TFRC: variants seen among roughly 807,000 people sequenced by gnomAD.
The protein encoded by TFRC is transferrin receptor protein 1.
Under a neutral mutation model 85.8 loss-of-function variants are expected in TFRC, and 35 were observed. The observed-to-expected ratio is 0.41, with a 90% confidence interval of 0.31 to 0.54. TFRC has a LOEUF of 0.54. TFRC is among the 20% of genes least tolerant of loss of function. The pLI is 0.31. For synonymous variants in TFRC, 362 were observed against 328.6 expected, an observed-to-expected ratio of 1.10 and a Z score of -1.10; for missense variants, 828 against 921.5, an observed-to-expected ratio of 0.90 and a Z score of 1.31.
At chr3:196,075,788 A>G (rs1036291474) in intron 2 of TFRC, among the ~76,000 whole-genome samples, 1 of 152,236 alleles carries the variant, frequency 6.6e-6, no homozygotes, top group Non-Finnish European at 1.5e-5. Context: ...AAACAAAGTT[A>G]TAAATAAGCA....
rs1161138823 is a variant in TFRC at position 196,055,219 on chromosome 3, G to A, written c.1760C>T (p.Ala587Val). The A allele has an allele frequency of 4.3e-6, 7 of 1,614,076 alleles. No individual in the cohort carries two copies. Among genetic ancestry groups the A allele is most frequent in the Non-Finnish European group, 5.9e-6 (7 of 1,180,038 alleles). Residue 587 changes from alanine (A) to valine (V), a missense_variant, in exon 17 of 19, where the codon GCA (alanine) becomes GTA (valine). Ala to Val is a moderately conservative substitution (Grantham distance 64). Coordinates refer to ENST00000360110, the MANE Select transcript of TFRC (RefSeq NM_001128148.3). ...IERIPELNKV[A>V]RAAAEVAGQF... is the part of the protein sequence containing the mutation. ...ACCAGCGACCTCTGCAGCTGCTCGT[G>A]CCACTTTGTTCAACTCAGGAATCCT...
In TFRC at chr3:196,058,264, A is replaced by T. The variant is rs772558216; in HGVS notation, c.1677+20T>A. 2 of 1,603,880 alleles carry T rather than the reference A, an allele frequency of 1.2e-6. No homozygotes were observed. Among genetic ancestry groups the T allele is most frequent in the Non-Finnish European group, 1.7e-6 (2 of 1,172,184 alleles). ...TTTAGAGAGCCTCTCTCCATTTGTCATTTAAATGAACAGACTTACCTCGCA... is the reference window on the plus strand; with the variant it reads ...TTTAGAGAGCCTCTCTCCATTTGTCTTTTAAATGAACAGACTTACCTCGCA... On this transcript the variant is annotated intron_variant, in intron 16 of 18. Coordinates refer to ENST00000360110, the MANE Select transcript of TFRC (RefSeq NM_001128148.3).
rs777286869 is a variant in TFRC, at chr3:196,077,082, T to C, written c.18A>G (p.Arg6=). ...ATCTTACCAAGTTAGAGAATGCTGA[T>C]CTAGCTTGATCCATCATTCTGAACT... The part of the protein sequence containing the change: MMDQA[R]SAFSNLFGGE... The change falls in exon 2 of 19, where the codon AGA becomes AGG. Residue 6 remains arginine, a synonymous_variant. Coordinates refer to ENST00000360110, the MANE Select transcript of TFRC (RefSeq NM_001128148.3). 1 of 1,613,826 alleles carries C rather than the reference T, an allele frequency of 6.2e-7. No homozygotes were observed. The highest frequency in any genetic ancestry group is 1.1e-5 in the South Asian group (1 of 91,056).
chr3:196,067,564 T>C lies in TFRC; in HGVS notation c.994A>G (p.Ile332Val), dbSNP rs1165853044. The change falls in exon 9 of 19, where the codon ATA becomes GTA. Residue 332 changes from isoleucine to valine, a missense_variant. By Grantham distance (29) the Ile-to-Val change is conservative. Transcript: ENST00000360110. The stretch of plus-strand genomic sequence containing the variant: ...GCTCTGGAGATTGTCTGGACAGGTA[T>C]ATTAGGCAATCCTGATGACCGAGAT... ...PPSRSSGLPN[I>V]PVQTISRAAA... The C allele has an allele frequency of 6.2e-7, 1 of 1,614,168 alleles. No homozygotes were observed. Among genetic ancestry groups the C allele is most frequent in the South Asian group, 1.1e-5 (1 of 91,080 alleles).
At position 196,060,253 on chromosome 3, in the gene TFRC, A is replaced by G; in HGVS notation, c.1469-6T>C. Reference sequence around the variant, plus strand: ...AACCTTGAAGTTGCTGGTACCTGAAAATAAATTGTTTTATCATTGCCCCTT... The same window carrying G: ...AACCTTGAAGTTGCTGGTACCTGAAGATAAATTGTTTTATCATTGCCCCTT... On this transcript the variant is annotated splice_region_variant and splice_polypyrimidine_tract_variant and intron_variant, in intron 13 of 18. Coordinates refer to ENST00000360110, the MANE Select transcript of TFRC (RefSeq NM_001128148.3). 1 of 1,613,592 alleles carries G rather than the reference A, an allele frequency of 6.2e-7. No homozygotes were observed. The highest frequency in any genetic ancestry group is 8.5e-7 in the Non-Finnish European group (1 of 1,179,636).
chr3:196,071,920 C>T (rs1376933996), intron 5 of TFRC, 83 bp downstream of exon 5: 8 of 1,482,854 alleles, frequency 5.4e-6, no homozygotes, highest in East Asian at 2.3e-5. Flanking sequence ...AAGCCAACAA[C>T]ACTAACAAAA....
At chr3:196,060,471 C>T in intron 13 of TFRC, 1 of 503,890 alleles carries the variant, frequency 2.0e-6, no homozygotes, top group Non-Finnish European at 3.6e-6. Context: ...CTTGAGTTTG[C>T]ATACTTTAAT....
intron 13 of TFRC, chr3:196,060,537 G>A (rs1717183926): frequency 2.0e-5 from 6 of 293,004 alleles, no homozygotes; most frequent in Admixed American, 9.8e-5. Flanking sequence ...GGTGGCTCAC[G>A]CCTGTAATCC....
chr3:196,073,910 G>A lies in TFRC; in HGVS notation c.434+20C>T, dbSNP rs564762844. On this transcript the variant is annotated intron_variant, in intron 4 of 18. Transcript: ENST00000360110. ...TCTTGAATTACTTGTCTAGATACTT[G>A]CACAGCAGCTGGCACTCACTTGATG... 1 of 1,603,854 alleles carries A rather than the reference G, an allele frequency of 6.2e-7. No individual in the cohort carries two copies. The highest frequency in any genetic ancestry group is 8.5e-7 in the Non-Finnish European group (1 of 1,173,806).
intron 13 of TFRC, 178 bp downstream of exon 13, chr3:196,062,404 G>C: frequency 1.7e-6 from 1 of 589,002 alleles, no homozygotes; most frequent in South Asian, 2.1e-5. Context: ...GTGGTAGTGA[G>C]CACCTGTAAT....
At position 196,077,107 on chromosome 3, in the gene TFRC, T is replaced by C; in HGVS notation, c.-8A>G. The C allele has an allele frequency of 1.2e-6, 2 of 1,613,432 alleles. No individual in the cohort carries two copies. The highest frequency in any genetic ancestry group is 8.5e-7 in the Non-Finnish European group (1 of 1,179,524). On this transcript the variant is annotated 5_prime_UTR_variant, in exon 2 of 19. Coordinates refer to ENST00000360110, the MANE Select transcript of TFRC (RefSeq NM_001128148.3). ...TCTAGCTTGATCCATCATTCTGAAC[T>C]GCCACACAGAAGAACCTAGGTATCA... is the stretch of plus-strand genomic sequence containing the variant.
intron 1 of TFRC, among the ~76,000 whole-genome samples, chr3:196,081,309 C>T (rs887095341): frequency 6.6e-6 from 1 of 152,222 alleles, no homozygotes; most frequent in Non-Finnish European, 1.5e-5. Context: ...AAAACAGAAT[C>T]CACACACAAG....
chr3:196,058,367 T>G lies in TFRC; in HGVS notation c.1596-2A>C, dbSNP rs1331307941. ...GCATTGTCTAAAGTGAGTTTCTCAC[T>G]GCAAAGACAAAGAATGTGTCTTTAG... is the stretch of plus-strand genomic sequence containing the variant. On this transcript the variant is annotated splice_acceptor_variant, in intron 15 of 18. Transcript: ENST00000360110. LOFTEE classifies it high-confidence loss of function. The G allele has an allele frequency of 6.2e-7, 1 of 1,613,124 alleles. No individual in the cohort carries two copies. The highest frequency in any genetic ancestry group is 8.5e-7 in the Non-Finnish European group (1 of 1,179,260).
rs1272119557 is a variant in TFRC, at chr3:196,049,984, C to G, written c.*1958G>C. On this transcript the variant is annotated 3_prime_UTR_variant, in exon 19 of 19. Transcript: ENST00000360110. ...CACGTTTATAATGATGGTTCACTCA[C>G]GGAGCTTCGAACTTATTCATACCTA... The G allele has an allele frequency of 4.3e-6, 1 of 230,938 alleles. No homozygotes were observed. The highest frequency in any genetic ancestry group is 1.8e-4 in the South Asian group (1 of 5,512). The allele number at this position is 230,938 out of a possible 1,614,324, so 14.3% of individuals were successfully genotyped here. A position where few individuals can be genotyped will look rare whatever the true frequency, so the allele number is the denominator to read the frequency against.
intron 4 of TFRC, among the ~76,000 whole-genome samples, chr3:196,073,397 G>A (rs919499782): frequency 2.0e-5 from 3 of 151,894 alleles, no homozygotes; most frequent in East Asian, 1.9e-4. Flanking sequence ...ATGAGAGCAC[G>A]CCACCGTATT....
intron 13 of TFRC, 79 bp from the exon 14 acceptor site, chr3:196,060,326 T>C (rs2108641337): frequency 8.2e-7 from 1 of 1,213,786 alleles, no homozygotes; most frequent in South Asian, 1.3e-5. Flanking sequence ...CTATAAGTAC[T>C]TGACAAATAA....
intron 9 of TFRC, among the ~76,000 whole-genome samples, chr3:196,066,014 C>G (rs1035874643): frequency 1.3e-5 from 2 of 149,724 alleles, no homozygotes; most frequent in African/African-American, 4.9e-5. Flanking sequence ...CAAAACAAAA[C>G]AAAATAAAAA....
intron 9 of TFRC, among the ~76,000 whole-genome samples, chr3:196,065,963 T>C (rs1179832680): frequency 2.7e-5 from 4 of 149,404 alleles, no homozygotes; most frequent in African/African-American, 9.8e-5. Flanking sequence ...CACTCCAGCC[T>C]GGGCAACAGA....
chr3:196,078,654 C>T (rs531685784), intron 1 of TFRC, among the ~76,000 whole-genome samples: 1 of 151,640 alleles, frequency 6.6e-6, no homozygotes, highest in South Asian at 2.1e-4. Flanking sequence ...GAAACTCCAT[C>T]TCAAAAAAAT....
Sources: allele counts gnomAD v4.1 joint callset (sites outside exome capture counted in the v4.1 genomes callset), GRCh38; gene constraint gnomAD v4.1.1; transcripts MANE v1.5; gene names NCBI Gene and HGNC (gene_info 2026-07-23, HGNC 2026-07-21).